MARCHF1: variants seen among roughly 807,000 people sequenced by gnomAD.
The protein encoded by MARCHF1 is membrane associated ring-CH-type finger 1.
A neutral mutation model predicts 54.2 loss-of-function variants in MARCHF1; 40 were observed. That is an observed-to-expected ratio of 0.74 (90% CI 0.57 to 0.96). The LOEUF (loss-of-function observed/expected upper bound fraction) is 0.96, where lower values mean the gene tolerates loss of function less well. Among genes scored for constraint, MARCHF1 ranks in the 40% least tolerant of loss-of-function variants. The pLI is 0.00. For synonymous variants in MARCHF1, 236 were observed against 236.3 expected, an observed-to-expected ratio of 1.00 and a Z score of 0.01; for missense variants, 586 against 656.5, an observed-to-expected ratio of 0.89 and a Z score of 1.17.
In MARCHF1 at chr4:164,338,839, G is replaced by A. The variant is rs554550716; in HGVS notation, c.-323+45031C>T. 2.0e-5 allele frequency among the ~76,000 whole-genome samples: 3 copies of A among 152,200 alleles called. No individual in the cohort carries two copies. The South Asian group carries it at 6.2e-4, about 32-fold the overall frequency. On this transcript the variant is annotated intron_variant, in intron 1 of 9. Coordinates refer to ENST00000514618, the MANE Select transcript of MARCHF1 (RefSeq NM_001394959.1). Reference sequence around the variant, plus strand: ...AATACAAAATTAGCCAGGCTTGGTGGTACGTGCCTGTAATCCCAGCTACTT... The same window carrying A: ...AATACAAAATTAGCCAGGCTTGGTGATACGTGCCTGTAATCCCAGCTACTT...
At chr4:164,021,867 T>TTTTATATA (rs1553970643) in intron 2 of MARCHF1, among the ~76,000 whole-genome samples, 1 of 146,996 alleles carries the variant, frequency 6.8e-6, no homozygotes, top group Non-Finnish European at 1.5e-5. Context: ...AAAAAAAAAA[T>TTTTATATA]TATATATATA....
intron 4 of MARCHF1, among the ~76,000 whole-genome samples, chr4:163,736,368 G>T (rs182646469): frequency 7.4e-4 from 112 of 152,246 alleles, no homozygotes; most frequent in Middle Eastern, 3.4e-3. Context: ...GAAAAGTGAT[G>T]ATTCACATCC....
chr4:163,833,687 G>A (rs1749096759), intron 4 of MARCHF1, among the ~76,000 whole-genome samples: 1 of 152,140 alleles, frequency 6.6e-6, no homozygotes, highest in South Asian at 2.1e-4. Flanking sequence ...TTTTGCCCCA[G>A]AGTAGGTGCT....
At chr4:164,100,963 T>A (rs943038314) in intron 2 of MARCHF1, among the ~76,000 whole-genome samples, 1 of 152,076 alleles carries the variant, frequency 6.6e-6, no homozygotes, top group Admixed American at 6.5e-5. Flanking sequence ...GCGCAAGAGG[T>A]CAGGGATTTC....
chr4:163,977,918 T>C (rs1752681039), intron 3 of MARCHF1, among the ~76,000 whole-genome samples: 1 of 152,060 alleles, frequency 6.6e-6, no homozygotes. Flanking sequence ...ACCAGTAAAA[T>C]AAAAGGCAAT....
chr4:163,558,180 C>T (rs1181720372), intron 8 of MARCHF1, among the ~76,000 whole-genome samples: 1 of 151,984 alleles, frequency 6.6e-6, no homozygotes, highest in African/African-American at 2.4e-5. Context: ...ATGATGAGGA[C>T]CCCCGATTAT....
intron 3 of MARCHF1, among the ~76,000 whole-genome samples, chr4:163,918,973 T>C (rs1402260695): frequency 6.7e-6 from 1 of 148,540 alleles, no homozygotes; most frequent in Non-Finnish European, 1.5e-5. Flanking sequence ...GAAATGTAAA[T>C]TTTTCTTTGC....
chr4:163,643,055 G>A (rs1742613426), intron 5 of MARCHF1, among the ~76,000 whole-genome samples: 1 of 150,998 alleles, frequency 6.6e-6, no homozygotes. Flanking sequence ...GCTCATGCCT[G>A]TAATCCCAGC....
chr4:163,907,681 G>A (rs552348709), intron 3 of MARCHF1, among the ~76,000 whole-genome samples: 1 of 152,162 alleles, frequency 6.6e-6, no homozygotes, highest in East Asian at 1.9e-4. Context: ...GAATGAATTG[G>A]AATTGCAATT....
rs560107973 is a variant in MARCHF1, at chr4:164,143,948, C to A, written c.-322-32286G>T. On this transcript the variant is annotated intron_variant, in intron 1 of 9. Transcript: ENST00000514618. ...AACCCATCTCACGTGCAGAGACACA[C>A]ATAGGCTCAAAATAAAAGGATGGAA... Among the ~76,000 whole-genome samples the A allele has an allele frequency of 5.4e-3, 819 of 152,222 alleles. 9 individuals carry two copies. The highest frequency in any genetic ancestry group is 0.019 in the African/African-American group (792 of 41,514).
chr4:163,898,567 G>C (rs1750868025), intron 3 of MARCHF1, among the ~76,000 whole-genome samples: 1 of 152,186 alleles, frequency 6.6e-6, no homozygotes, highest in Non-Finnish European at 1.5e-5. Flanking sequence ...AAAAGGGAAT[G>C]CTTAAATACT....
At chr4:163,864,670 A>T (rs1750013134) in intron 3 of MARCHF1, among the ~76,000 whole-genome samples, 1 of 151,948 alleles carries the variant, frequency 6.6e-6, no homozygotes, top group South Asian at 2.1e-4. Context: ...ATAGGTTTGC[A>T]GTTTTCTAAA....
chr4:163,766,604 C>T (rs151181012), intron 4 of MARCHF1, among the ~76,000 whole-genome samples: 2,193 of 152,192 alleles, frequency 0.014, 35 homozygotes, highest in Non-Finnish European at 0.021. Flanking sequence ...GATGAAAATG[C>T]GTCTTTCACA....
rs541896436 is a variant in MARCHF1, at chr4:164,136,306, T to A, written c.-322-24644A>T. On this transcript the variant is annotated intron_variant, in intron 1 of 9. Coordinates refer to ENST00000514618, the MANE Select transcript of MARCHF1 (RefSeq NM_001394959.1). Reference sequence around the variant, plus strand: ...AAAAAAAAAGCCAAGAATAGATGCATTGAAGAGGTAAGAAAAACAGTTTCA... The same window carrying A: ...AAAAAAAAAGCCAAGAATAGATGCAATGAAGAGGTAAGAAAAACAGTTTCA... Among the ~76,000 whole-genome samples, 327 of 147,198 alleles carry A rather than the reference T, an allele frequency of 2.2e-3. 2 individuals are homozygous for A. Among genetic ancestry groups the A allele is most frequent in the African/African-American group, 7.7e-3 (309 of 40,098 alleles).
intron 3 of MARCHF1, among the ~76,000 whole-genome samples, chr4:163,874,778 A>G (rs940892561): frequency 6.6e-6 from 1 of 152,124 alleles, no homozygotes; most frequent in Non-Finnish European, 1.5e-5. Flanking sequence ...AGTTTGTAAA[A>G]GTTTATGAAA....
chr4:163,805,682 T>G (rs1748206309), intron 4 of MARCHF1, among the ~76,000 whole-genome samples: 1 of 152,194 alleles, frequency 6.6e-6, no homozygotes, highest in Non-Finnish European at 1.5e-5. Flanking sequence ...AGACACAGAT[T>G]TGAAGTGATT....
At chr4:164,199,179 T>C (rs766567737) in intron 1 of MARCHF1, among the ~76,000 whole-genome samples, 9 of 152,220 alleles carry the variant, frequency 5.9e-5, no homozygotes, top group Non-Finnish European at 1.2e-4. Context: ...AAGTAAGACT[T>C]GCCTTGTGTA....
chr4:164,353,907 A>G (rs376922028), intron 1 of MARCHF1, among the ~76,000 whole-genome samples: 1 of 122,552 alleles, frequency 8.2e-6, no homozygotes, highest in African/African-American at 3.1e-5. Flanking sequence ...TCAAATAGAC[A>G]CAATAAAAAA....
At chr4:164,069,132 A>G (rs1754801857) in intron 2 of MARCHF1, among the ~76,000 whole-genome samples, 1 of 152,194 alleles carries the variant, frequency 6.6e-6, no homozygotes, top group Admixed American at 6.5e-5. Flanking sequence ...GACACTCTGT[A>G]TCTAGCTAAT....
Sources: gnomAD v4.1 joint callset for allele counts (sites outside exome capture counted in the v4.1 genomes callset) on GRCh38, gnomAD v4.1.1 for gene constraint, MANE v1.5 for transcripts, NCBI Gene and HGNC (gene_info 2026-07-23, HGNC 2026-07-21) for gene names.